The following KCTD9 variants were observed in gnomAD, a reference collection of about 807,000 sequenced individuals.
KCTD9 encodes potassium channel tetramerization domain containing 9.
In KCTD9, 17 loss-of-function variants were observed where a neutral mutation model predicts 53.3. The ratio of observed to expected loss-of-function variants is 0.32; its 90% CI spans 0.22 to 0.48. The LOEUF (loss-of-function observed/expected upper bound fraction) is 0.48, where lower values mean the gene tolerates loss of function less well. KCTD9 is among the 20% of genes least tolerant of loss of function. The pLI, the probability that KCTD9 is intolerant of heterozygous loss-of-function variation, is 0.99. For missense variants in KCTD9, 179 were observed against 465.5 expected, an observed-to-expected ratio of 0.38 and a Z score of 5.66; for synonymous variants, 128 against 162.7, an observed-to-expected ratio of 0.79 and a Z score of 1.62.
At chr8:25,452,612 G>A (rs551115528) in intron 1 of KCTD9, among the ~76,000 whole-genome samples, 1 of 152,210 alleles carries the variant, frequency 6.6e-6, no homozygotes, top group Admixed American at 6.5e-5. Flanking sequence ...TCCTCCAAGT[G>A]ACTCTGATGC....
At chr8:25,443,472 A>G (rs1022722692) in intron 3 of KCTD9, among the ~76,000 whole-genome samples, 10 of 54,926 alleles carry the variant, frequency 1.8e-4, no homozygotes, top group Non-Finnish European at 3.6e-4. Context: ...TAATAACAAT[A>G]AAAAAACCTT....
chr8:25,439,429 G>GA, intron 5 of KCTD9, 22 bp from the exon 6 acceptor site: 1 of 1,584,864 alleles, frequency 6.3e-7, no homozygotes, highest in Non-Finnish European at 8.6e-7. Flanking sequence ...TTATAATAAA[G>GA]AAAGTCCCCC....
In KCTD9 at chr8:25,451,981, C is replaced by T. The variant is rs530444828; in HGVS notation, c.49-5731G>A. On this transcript the variant is annotated intron_variant, in intron 1 of 11. Coordinates refer to ENST00000221200, the MANE Select transcript of KCTD9 (RefSeq NM_017634.4). ...GGCTGTCTGCCTGGATCCTAAAGGT[C>T]CAATAAAAAAATTAATTTGCAAAAA... is the stretch of plus-strand genomic sequence containing the variant. 1.0e-3 allele frequency among the ~76,000 whole-genome samples: 152 copies of T among 151,942 alleles called. 2 individuals are homozygous for T. The South Asian group carries it at 0.031, about 31-fold the overall frequency.
At chr8:25,453,356 C>CAA (rs1246429673) in intron 1 of KCTD9, among the ~76,000 whole-genome samples, 59 of 135,774 alleles carry the variant, frequency 4.3e-4, no homozygotes, top group African/African-American at 1.5e-3. Flanking sequence ...GACTCTGTCT[C>CAA]AAAAAAAAAA....
chr8:25,438,710 C>T (rs1403792794), intron 6 of KCTD9, among the ~76,000 whole-genome samples: 2 of 152,230 alleles, frequency 1.3e-5, no homozygotes, highest in African/African-American at 4.8e-5. Flanking sequence ...ACATCACCTC[C>T]GTGAATCTTC....
intron 3 of KCTD9, 130 bp from the exon 4 acceptor site, chr8:25,440,803 C>CCAAACCCACAGACTGCAT: frequency 4.6e-6 from 3 of 655,310 alleles, no homozygotes; most frequent in Non-Finnish European, 8.2e-6. Context: ...ACAGCAATAC[C>CCAAACCCACAGACTGCAT]CAAACCCACA....
chr8:25,430,686 A>G (rs1230331183), intron 11 of KCTD9, among the ~76,000 whole-genome samples: 1 of 152,142 alleles, frequency 6.6e-6, no homozygotes, highest in East Asian at 1.9e-4. Flanking sequence ...CGCTTGAATC[A>G]TCCCAAAACC....
At chr8:25,431,985 C>A (rs919708719) in intron 11 of KCTD9, among the ~76,000 whole-genome samples, 1 of 152,186 alleles carries the variant, frequency 6.6e-6, no homozygotes, top group Non-Finnish European at 1.5e-5. Context: ...TACTGAACAG[C>A]ACAGATATAG....
At chr8:25,439,113 C>T (rs1802071640) in intron 6 of KCTD9, among the ~76,000 whole-genome samples, 166 bp downstream of exon 6, 1 of 152,128 alleles carries the variant, frequency 6.6e-6, no homozygotes, top group Non-Finnish European at 1.5e-5. Flanking sequence ...ATTTCTACAC[C>T]TATATCACTC....
chr8:25,432,903 T>C (rs781547081), intron 10 of KCTD9, among the ~76,000 whole-genome samples: 6 of 152,328 alleles, frequency 3.9e-5, no homozygotes, highest in South Asian at 2.1e-4. Context: ...GGGAGTGAAG[T>C]AGTCTCCTAA....
chr8:25,429,990 ATATTCATG>A lies in KCTD9; in HGVS notation c.1054-25_1054-18del, dbSNP rs765309414. ...ATCACAATTCTGCAAGATGAAAACA[ATATTCATG>A]TAATTCATGTGGAAATTTCAGGCCT... is the stretch of plus-strand genomic sequence containing the variant. On this transcript the variant is annotated intron_variant, in intron 11 of 11. Coordinates refer to ENST00000221200, the MANE Select transcript of KCTD9 (RefSeq NM_017634.4). The A allele has an allele frequency of 9.1e-6, 12 of 1,312,242 alleles. No individual in the cohort carries two copies. Among genetic ancestry groups the A allele is most frequent in the Non-Finnish European group, 1.3e-5 (12 of 906,066 alleles). 81.3% of individuals were successfully genotyped at this position (1,312,242 alleles called of 1,614,324 possible).
chr8:25,446,441 A>G (rs193283911), intron 1 of KCTD9, among the ~76,000 whole-genome samples, 191 bp from the exon 2 acceptor site: 4 of 152,180 alleles, frequency 2.6e-5, no homozygotes, highest in Admixed American at 1.3e-4. Context: ...CCGACTCCTC[A>G]ACTAGAACAT....
intron 1 of KCTD9, among the ~76,000 whole-genome samples, chr8:25,456,551 T>G (rs1802437767): frequency 6.6e-6 from 1 of 152,208 alleles, no homozygotes; most frequent in African/African-American, 2.4e-5. Context: ...CTCTCCAGTT[T>G]GGATTTTTAC....
At chr8:25,442,167 A>T (rs1802134617) in intron 3 of KCTD9, among the ~76,000 whole-genome samples, 1 of 152,206 alleles carries the variant, frequency 6.6e-6, no homozygotes, top group South Asian at 2.1e-4. Flanking sequence ...GAAATTTTAA[A>T]ATACATACAC....
rs1421546483 is a variant in KCTD9 at position 25,428,860 on chromosome 8, C to T, written c.*997G>A. The T allele has an allele frequency of 6.6e-6, 1 of 152,072 alleles. No homozygotes were observed. Among genetic ancestry groups the T allele is most frequent in the African/African-American group, 2.4e-5 (1 of 41,398 alleles). The allele number at this position is 152,072 out of a possible 1,614,324, so 9.4% of individuals were successfully genotyped here. A position where few individuals can be genotyped will look rare whatever the true frequency, so the allele number is the denominator to read the frequency against. ...ATTGCCTTTTAGCAGGCAACTCTAC[C>T]ATATTCACTCATATAAGCTTTGATT... On this transcript the variant is annotated 3_prime_UTR_variant, in exon 12 of 12. Coordinates refer to ENST00000221200, the MANE Select transcript of KCTD9 (RefSeq NM_017634.4).
intron 6 of KCTD9, among the ~76,000 whole-genome samples, 189 bp from the exon 7 acceptor site, chr8:25,436,674 A>G (rs995667428): frequency 6.6e-6 from 1 of 152,220 alleles, no homozygotes; most frequent in Non-Finnish European, 1.5e-5. Context: ...GAAATGAATA[A>G]AAGTTTAAAA....
chr8:25,450,006 AG>A (rs765936197), intron 1 of KCTD9, among the ~76,000 whole-genome samples: 35 of 152,184 alleles, frequency 2.3e-4, no homozygotes, highest in Non-Finnish European at 4.6e-4. Context: ...ACCAGATGAT[AG>A]AAAAAAACCA....
At chr8:25,448,467 A>G (rs967520938) in intron 1 of KCTD9, among the ~76,000 whole-genome samples, 20 of 152,254 alleles carry the variant, frequency 1.3e-4, no homozygotes, top group Non-Finnish European at 5.9e-5. Flanking sequence ...GGTGATGGTT[A>G]CACACATTGT....
chr8:25,447,471 T>C (rs1408551747), intron 1 of KCTD9, among the ~76,000 whole-genome samples: 1 of 152,214 alleles, frequency 6.6e-6, no homozygotes, highest in Admixed American at 6.5e-5. Flanking sequence ...AGATTTATTA[T>C]GTCAAGATGC....
Sources: gnomAD v4.1 joint callset for allele counts (sites outside exome capture counted in the v4.1 genomes callset) on GRCh38, gnomAD v4.1.1 for gene constraint, MANE v1.5 for transcripts, NCBI Gene and HGNC (gene_info 2026-07-23, HGNC 2026-07-21) for gene names.